Variants in TBC1D23 observed in about 807,000 individuals in gnomAD.
TBC1D23 encodes TBC1 domain family member 23, also known as HCV non-structural protein 4A-transactivated protein 1.
TBC1D23 carries 55 observed loss-of-function variants against 91.4 expected under a neutral mutation model. The observed-to-expected ratio is 0.60, with a 90% CI of 0.48 to 0.75. TBC1D23 has a LOEUF of 0.75. Among genes scored for constraint, TBC1D23 ranks in the 30% least tolerant of loss-of-function variants. The probability of loss-of-function intolerance (pLI) is 0.00; values close to 1 mark genes in which losing one functional copy is unlikely to be tolerated. For missense variants in TBC1D23, 725 were observed against 836.1 expected (o/e 0.87, Z 1.64); for synonymous variants, 289 against 281.0 (o/e 1.03, Z -0.28).
Position 100,324,229 on chromosome 3 carries a change from C to T in TBC1D23, c.*561C>T, listed in dbSNP as rs577505688. On this transcript the variant is annotated 3_prime_UTR_variant, in exon 19 of 19. Coordinates refer to ENST00000394144, the MANE Select transcript of TBC1D23 (RefSeq NM_001199198.3). ...ATTCCTGCCAACTCAAAATACAGTA[C>T]AGCTAGTAAAATGTTGAAACATCAG... The T allele has an allele frequency of 6.6e-6, 1 of 152,242 alleles. No homozygotes were observed. Among genetic ancestry groups the T allele is most frequent in the African/African-American group, 2.4e-5 (1 of 41,558 alleles). 9.4% of individuals were successfully genotyped at this position (152,242 alleles called of 1,614,324 possible). A position where few individuals can be genotyped will look rare whatever the true frequency, so the allele number is the denominator to read the frequency against.
Position 100,283,664 on chromosome 3 carries a change from T to A in TBC1D23, c.329T>A (p.Val110Glu). 6.2e-7 allele frequency: 1 copy of A among 1,613,686 alleles called. No homozygotes were observed. The highest frequency in any genetic ancestry group is 1.1e-5 in the South Asian group (1 of 91,068). Residue 110 changes from valine to glutamate, a missense_variant, in exon 4 of 19, where the codon GTA becomes GAA. Transcript: ENST00000394144. ...GAATTACTTTTGGATATTGAATCTG[T>A]AATTACCTTTTATTGTAAATCACGT... is the stretch of plus-strand genomic sequence containing the variant. Reference protein sequence around the residue: ...AAELLLDIESVITFYCKSRNI... With the variant: ...AAELLLDIESEITFYCKSRNI...
rs1354633499 is a variant in TBC1D23, at chr3:100,318,662, C to CT, written c.1688-399dup. On this transcript the variant is annotated intron_variant, in intron 16 of 18. Coordinates refer to ENST00000394144, the MANE Select transcript of TBC1D23 (RefSeq NM_001199198.3). ...TGCGTTATTCTTTTTTTTTTTTTTT[C>CT]TTTTTTTTGAGACAGTCTCATTCTG... 5.6e-3 allele frequency among the ~76,000 whole-genome samples: 512 copies of CT among 91,890 alleles called. 1 individual carries two copies. The highest frequency in any genetic ancestry group is 0.02 in the African/African-American group (487 of 24,486). The allele number at this position is 91,890 out of a possible 152,430, so 60.3% of individuals were successfully genotyped here.
chr3:100,279,620 C>G, intron 1 of TBC1D23, 29 bp from the exon 2 acceptor site: 1 of 1,386,148 alleles, frequency 7.2e-7, no homozygotes, highest in Non-Finnish European at 1.0e-6. Context: ...AGATAAAGTT[C>G]ATTTTAATAA....
chr3:100,297,998 C>T lies in TBC1D23; in HGVS notation c.952C>T (p.Leu318=). 1 of 1,613,182 alleles carries T rather than the reference C, an allele frequency of 6.2e-7. No individual in the cohort carries two copies. The highest frequency in any genetic ancestry group is 8.5e-7 in the Non-Finnish European group (1 of 1,179,482). Residue 318 remains leucine (L), a synonymous_variant, in exon 9 of 19, where the codon CTG becomes TTG. Transcript: ENST00000394144. Reference sequence around the variant, plus strand: ...TGCAGATCTGAGTCAGGCTCTTTGTCTGGCCATCTCCGTGTCAGAGATCCT... The same window carrying T: ...TGCAGATCTGAGTCAGGCTCTTTGTTTGGCCATCTCCGTGTCAGAGATCCT... The part of the protein sequence containing the change: ...DDADLSQALC[L]AISVSEILQA...
At position 100,298,846 on chromosome 3, in the gene TBC1D23, C is replaced by T. The variant is rs112082692; in HGVS notation, c.1000-393C>T. Reference sequence around the variant, plus strand: ...ACACGAAATAGATGTTTAGTTCTTACGTGAATTGAGCTGTTGATAAATTTG... The same window carrying T: ...ACACGAAATAGATGTTTAGTTCTTATGTGAATTGAGCTGTTGATAAATTTG... On this transcript the variant is annotated intron_variant, in intron 9 of 18. Coordinates refer to ENST00000394144, the MANE Select transcript of TBC1D23 (RefSeq NM_001199198.3). Among the ~76,000 whole-genome samples, 131 of 152,224 alleles carry T rather than the reference C, an allele frequency of 8.6e-4. 1 individual carries two copies. Among genetic ancestry groups the T allele is most frequent in the African/African-American group, 3.0e-3 (124 of 41,552 alleles).
At chr3:100,262,074 T>C (rs2067515751) in intron 1 of TBC1D23, among the ~76,000 whole-genome samples, 5 of 152,176 alleles carry the variant, frequency 3.3e-5, no homozygotes, top group Admixed American at 3.3e-4. Context: ...TAATTAGTAA[T>C]TAAGAAATTC....
At chr3:100,271,831 G>C (rs1360381884) in intron 1 of TBC1D23, among the ~76,000 whole-genome samples, 1 of 152,234 alleles carries the variant, frequency 6.6e-6, no homozygotes, top group African/African-American at 2.4e-5. Context: ...AGAGAAGGCA[G>C]ACTGGTTAGA....
intron 1 of TBC1D23, among the ~76,000 whole-genome samples, chr3:100,263,257 G>A (rs1297119951): frequency 6.6e-6 from 1 of 152,226 alleles, no homozygotes; most frequent in Non-Finnish European, 1.5e-5. Flanking sequence ...CCAGGAAAAG[G>A]ACTTTCACAA....
At chr3:100,314,215 C>T (rs181593996) in intron 15 of TBC1D23, among the ~76,000 whole-genome samples, 13 of 148,732 alleles carry the variant, frequency 8.7e-5, no homozygotes, top group South Asian at 2.1e-4. Flanking sequence ...TCTCCTGTCT[C>T]GCCCTCCCAA....
intron 14 of TBC1D23, among the ~76,000 whole-genome samples, chr3:100,311,330 A>G (rs1227981163): frequency 1.3e-5 from 2 of 152,224 alleles, no homozygotes; most frequent in African/African-American, 4.8e-5. Context: ...TTTATTAAGT[A>G]TAGTATATAT....
intron 14 of TBC1D23, 104 bp from the exon 15 acceptor site, chr3:100,311,729 C>T: frequency 4.0e-6 from 3 of 749,218 alleles, no homozygotes; most frequent in Non-Finnish European, 6.8e-6. Flanking sequence ...TTATAATGTA[C>T]ACTCTGGGTG....
At chr3:100,273,221 G>A (rs142397364) in intron 1 of TBC1D23, among the ~76,000 whole-genome samples, 2,254 of 152,276 alleles carry the variant, frequency 0.015, 56 homozygotes, top group African/African-American at 0.052. Context: ...GACTGTTAAC[G>A]AGCATGCTGC....
chr3:100,272,324 A>G (rs546889938), intron 1 of TBC1D23, among the ~76,000 whole-genome samples: 3 of 152,334 alleles, frequency 2.0e-5, no homozygotes, highest in Admixed American at 2.0e-4. Context: ...CAGTTACTTA[A>G]TACGCTAGAG....
At chr3:100,280,933 G>T (rs540472189) in intron 2 of TBC1D23, among the ~76,000 whole-genome samples, 50 of 152,186 alleles carry the variant, frequency 3.3e-4, no homozygotes, top group Non-Finnish European at 6.0e-4. Flanking sequence ...GTTGAGGCAG[G>T]TGGATCACCT....
chr3:100,322,894 C>T (rs277652), intron 18 of TBC1D23, among the ~76,000 whole-genome samples: 105,130 of 151,920 alleles, frequency 0.69, 37,759 homozygotes, highest in East Asian at 0.95. Flanking sequence ...ATATAACACT[C>T]ATAGATGATT....
intron 12 of TBC1D23, among the ~76,000 whole-genome samples, chr3:100,306,075 A>G (rs1705512029): frequency 6.6e-6 from 1 of 152,218 alleles, no homozygotes; most frequent in Admixed American, 6.5e-5. Flanking sequence ...ATGGTATAAC[A>G]AAAGTCACAA....
chr3:100,304,678 G>A (rs534264780), intron 11 of TBC1D23, among the ~76,000 whole-genome samples, 168 bp from the exon 12 acceptor site: 1 of 152,190 alleles, frequency 6.6e-6, no homozygotes, highest in South Asian at 2.1e-4. Context: ...TGCATAATAA[G>A]GTAAATGGAT....
chr3:100,275,984 G>A (rs751421313), intron 1 of TBC1D23, among the ~76,000 whole-genome samples: 5 of 152,042 alleles, frequency 3.3e-5, no homozygotes, highest in Admixed American at 6.6e-5. Context: ...GTAAATCAGC[G>A]GTTGGCAGAG....
At chr3:100,308,197 C>T (rs768032582) in intron 13 of TBC1D23, among the ~76,000 whole-genome samples, 8 of 152,190 alleles carry the variant, frequency 5.3e-5, no homozygotes, top group Admixed American at 1.3e-4. Context: ...GAAAGTAGGC[C>T]GGGCACAGTG....
Sources: gnomAD v4.1 joint callset for allele counts (sites outside exome capture counted in the v4.1 genomes callset) on GRCh38, gnomAD v4.1.1 for gene constraint, MANE v1.5 for transcripts, NCBI Gene and HGNC (gene_info 2026-07-23, HGNC 2026-07-21) for gene names.